Variants in DHX35 observed in about 807,000 individuals in gnomAD.
The protein encoded by DHX35 is DEAH-box helicase 35.
Under a neutral mutation model 99.6 loss-of-function variants are expected in DHX35, and 84 were observed. The observed-to-expected ratio is 0.84, with a 90% confidence interval of 0.71 to 1.01. The LOEUF (loss-of-function observed/expected upper bound fraction) is 1.01. Among genes scored for constraint, DHX35 ranks in the 50% least tolerant of loss-of-function variants. The pLI, the probability that DHX35 is intolerant of heterozygous loss-of-function variation, is 0.00. For synonymous variants in DHX35, 331 were observed against 316.2 expected (o/e 1.05, Z -0.50); for missense variants, 852 against 888.5 (o/e 0.96, Z 0.52).
chr20:38,990,061 A>C (rs16987734), intron 5 of DHX35, among the ~76,000 whole-genome samples: 23,648 of 152,164 alleles, frequency 0.16, 1,982 homozygotes, highest in East Asian at 0.29. Context: ...TCATTTTGCT[A>C]GGTGAAGGGA....
rs139328777 is a variant in DHX35 at position 38,992,386 on chromosome 20, G to T, written c.543G>T (p.Arg181Ser). 2 of 1,613,924 alleles carry T rather than the reference G, an allele frequency of 1.2e-6. No individual in the cohort carries two copies. The highest frequency in any genetic ancestry group is 1.3e-5 in the African/African-American group (1 of 74,896). The change falls in exon 7 of 22, where the codon AGG becomes AGT. Residue 181 changes from arginine (R) to serine (S), a missense_variant. Transcript: ENST00000252011. ...SVIMLDEAHE[R>S]TLYTDIAIGL... ...TCATGCTGGATGAAGCCCACGAGAGGACCTTGTACACTGACATTGCCATTG... is the reference window on the plus strand; with the variant it reads ...TCATGCTGGATGAAGCCCACGAGAGTACCTTGTACACTGACATTGCCATTG...
Position 38,981,369 on chromosome 20 carries a change from C to A in DHX35, c.268-2330C>A, listed in dbSNP as rs534353442. On this transcript the variant is annotated intron_variant, in intron 3 of 21. Coordinates refer to ENST00000252011, the MANE Select transcript of DHX35 (RefSeq NM_021931.4). ...TAAGGAAGAACTGTGCTTTCTTCCT[C>A]ACTTATTTCTTAGATTATTTGCGTG... Among the ~76,000 whole-genome samples the A allele has an allele frequency of 1.3e-4, 20 of 152,274 alleles. No homozygotes were observed. In the South Asian group the frequency reaches 3.9e-3, roughly 30 times the overall value.
intron 3 of DHX35, chr20:38,978,093 A>T: frequency 1.3e-6 from 1 of 762,570 alleles, no homozygotes; most frequent in Admixed American, 1.7e-5. Flanking sequence ...GTCCACTAAT[A>T]TGCACTGGCC....
At chr20:39,002,005 C>T (rs1272964631) in intron 9 of DHX35, among the ~76,000 whole-genome samples, 163 bp downstream of exon 9, 1 of 152,222 alleles carries the variant, frequency 6.6e-6, no homozygotes, top group Non-Finnish European at 1.5e-5. Flanking sequence ...CGGATCACTG[C>T]TGAATTTAGT....
In DHX35 at chr20:39,038,964, G is replaced by A. The variant is rs1276200030; in HGVS notation, c.*421G>A. ...CTTTCCCTGCTGGGGCCACAGCTGT[G>A]TTAACCAATGAGGTCTGCTGCCAGG... On this transcript the variant is annotated 3_prime_UTR_variant, in exon 22 of 22. Transcript: ENST00000252011. 2 of 231,070 alleles carry A rather than the reference G, an allele frequency of 8.7e-6. No individual in the cohort carries two copies. 14.3% of individuals were successfully genotyped at this position (231,070 alleles called of 1,614,324 possible). A position where few individuals can be genotyped will look rare whatever the true frequency, so the allele number is the denominator to read the frequency against.
At chr20:38,964,436 CTT>C (rs1193973308) in intron 1 of DHX35, among the ~76,000 whole-genome samples, 1 of 144,906 alleles carries the variant, frequency 6.9e-6, no homozygotes, top group Admixed American at 6.9e-5. Flanking sequence ...TGTTTTCTTT[CTT>C]TTTTTTTTTT....
At chr20:38,968,737 A>G (rs1001297880) in intron 1 of DHX35, among the ~76,000 whole-genome samples, 21 of 152,276 alleles carry the variant, frequency 1.4e-4, no homozygotes, top group African/African-American at 4.6e-4. Context: ...ATTTTAGTAC[A>G]GGTGGGGTTT....
At position 38,962,362 on chromosome 20, in the gene DHX35, C is replaced by T. The variant is rs2085843151; in HGVS notation, c.-6C>T. The T allele has an allele frequency of 2.5e-6, 4 of 1,612,320 alleles. No homozygotes were observed. Among genetic ancestry groups the T allele is most frequent in the Non-Finnish European group, 2.5e-6 (3 of 1,179,142 alleles). On this transcript the variant is annotated 5_prime_UTR_variant, in exon 1 of 22. Transcript: ENST00000252011. ...TGGAGCTAGCCTCGTGACCTTTTACCCCAACATGGCTGCGCCCGTGGGACC... is the reference window on the plus strand; with the variant it reads ...TGGAGCTAGCCTCGTGACCTTTTACTCCAACATGGCTGCGCCCGTGGGACC...
intron 5 of DHX35, among the ~76,000 whole-genome samples, chr20:38,990,125 C>T (rs1421018764): frequency 6.6e-6 from 1 of 152,162 alleles, no homozygotes; most frequent in Non-Finnish European, 1.5e-5. Flanking sequence ...CAGTGGTTTG[C>T]ATAACCATGA....
chr20:39,007,960 A>C (rs2086644710), intron 12 of DHX35, among the ~76,000 whole-genome samples: 1 of 152,244 alleles, frequency 6.6e-6, no homozygotes, highest in Non-Finnish European at 1.5e-5. Flanking sequence ...TTATATTCAC[A>C]ATGTTGTGTG....
chr20:39,030,651 C>G (rs2087032889), intron 19 of DHX35, 53 bp from the exon 20 acceptor site: 2 of 1,520,170 alleles, frequency 1.3e-6, no homozygotes, highest in Non-Finnish European at 1.8e-6. Flanking sequence ...GTGGGAAAGT[C>G]TTGCTATAAG....
At position 38,997,046 on chromosome 20, in the gene DHX35, T is replaced by TTTTATTTA. The variant is rs143900166; in HGVS notation, c.642+2198_642+2205dup. Among the ~76,000 whole-genome samples the TTTTATTTA allele has an allele frequency of 6.9e-3, 1,032 of 149,002 alleles. 8 individuals carry two copies. Among genetic ancestry groups the TTTTATTTA allele is most frequent in the African/African-American group, 0.017 (667 of 40,212 alleles). On this transcript the variant is annotated intron_variant, in intron 8 of 21. Transcript: ENST00000252011. ...ATGTCCAAGTCTTTTCTTAGATTCA[T>TTTTATTTA]TTTATTTATTTATTTATTTATTTAT...
chr20:39,012,815 GC>G (rs1434160940), intron 13 of DHX35, among the ~76,000 whole-genome samples: 1 of 152,216 alleles, frequency 6.6e-6, no homozygotes, highest in African/African-American at 2.4e-5. Context: ...ACAGGTGTGA[GC>G]CACTGTGCGC....
At chr20:38,989,712 A>G (rs140838967) in intron 5 of DHX35, among the ~76,000 whole-genome samples, 1 of 152,320 alleles carries the variant, frequency 6.6e-6, no homozygotes, top group African/African-American at 2.4e-5. Context: ...TTGTTTCACT[A>G]ATTAGTACTT....
intron 14 of DHX35, among the ~76,000 whole-genome samples, chr20:39,017,334 G>T (rs1417180780): frequency 1.3e-5 from 2 of 149,452 alleles, no homozygotes; most frequent in Admixed American, 1.3e-4. Flanking sequence ...TCAGCCTGGA[G>T]TGAATGTGTG....
intron 13 of DHX35, among the ~76,000 whole-genome samples, chr20:39,011,110 A>G (rs1187107620): frequency 6.6e-6 from 1 of 152,046 alleles, no homozygotes; most frequent in Non-Finnish European, 1.5e-5. Context: ...AAAAACATTT[A>G]TTAGTCAGTT....
intron 17 of DHX35, 38 bp from the exon 18 acceptor site, chr20:39,025,192 T>G (rs1450855804): frequency 8.2e-6 from 13 of 1,588,630 alleles, no homozygotes; most frequent in Non-Finnish European, 1.1e-5. Flanking sequence ...CGAGAACATA[T>G]CTGTTTTCTA....
At position 38,970,632 on chromosome 20, in the gene DHX35, G is replaced by A. The variant is rs75656530; in HGVS notation, c.174+1418G>A. ...TTCTGAGCTTCTTTTCTTTATCTGT[G>A]ATGTAGGACTACAGGAGCACCTACC... On this transcript the variant is annotated intron_variant, in intron 2 of 21. Coordinates refer to ENST00000252011, the MANE Select transcript of DHX35 (RefSeq NM_021931.4). Among the ~76,000 whole-genome samples the A allele has an allele frequency of 1.1e-4, 17 of 152,266 alleles. No individual in the cohort carries two copies. The East Asian group carries it at 2.7e-3, about 24-fold the overall frequency.
intron 8 of DHX35, among the ~76,000 whole-genome samples, chr20:38,997,810 A>T (rs1601405435): frequency 6.6e-6 from 1 of 152,304 alleles, no homozygotes; most frequent in East Asian, 1.9e-4. Context: ...GAGGGCAAGA[A>T]TGAGGACTAT....
Sources: allele counts gnomAD v4.1 joint callset (sites outside exome capture counted in the v4.1 genomes callset), GRCh38; gene constraint gnomAD v4.1.1; transcripts MANE v1.5; gene names NCBI Gene and HGNC (gene_info 2026-07-23, HGNC 2026-07-21).